The following ZNF383 variants were observed in gnomAD, a reference collection of about 807,000 sequenced individuals.
ZNF383 encodes zinc finger protein 383.
Under a neutral mutation model 44.2 loss-of-function variants are expected in ZNF383, and 32 were observed. The observed-to-expected ratio is 0.72, with a 90% confidence interval of 0.55 to 0.97. The LOEUF is 0.97. ZNF383 is among the 50% of genes least tolerant of loss of function. ZNF383 has a pLI of 0.00. For missense variants in ZNF383, 487 were observed against 562.5 expected (o/e 0.87, Z 1.36); for synonymous variants, 155 against 186.2 (o/e 0.83, Z 1.36).
chr19:37,230,314 A>G (rs1973421189), intron 2 of ZNF383, 95 bp from the exon 3 acceptor site: 8 of 788,786 alleles, frequency 1.0e-5, no homozygotes, highest in South Asian at 3.4e-5. Context: ...CTCAAGACCA[A>G]GAAATATGGA....
At chr19:37,229,748 ATGTATATATGTG>A (rs1317561112) in intron 2 of ZNF383, among the ~76,000 whole-genome samples, 4 of 143,898 alleles carry the variant, frequency 2.8e-5, no homozygotes, top group Admixed American at 7.2e-5. Context: ...GTGTGTATAT[ATGTATATATGTG>A]TGTATATATG....
intron 3 of ZNF383, among the ~76,000 whole-genome samples, chr19:37,230,710 C>G (rs1019098030): frequency 2.0e-5 from 3 of 152,102 alleles, no homozygotes; most frequent in African/African-American, 7.2e-5. Context: ...AACTCTTTCC[C>G]AAGGACTATG....
In ZNF383 at chr19:37,245,975, T is replaced by A. The variant is rs1974357752; in HGVS notation, c.*2311T>A. On this transcript the variant is annotated 3_prime_UTR_variant, in exon 6 of 6. Transcript: ENST00000684119. ...CCATGCCTAGCTAATTTTTGTATTA[T>A]TAGTAGAGATGGGGTTTCACCATAT... 6.6e-6 allele frequency: 1 copy of A among 152,020 alleles called. No individual in the cohort carries two copies. Among genetic ancestry groups the A allele is most frequent in the South Asian group, 2.1e-4 (1 of 4,814 alleles). 9.4% of individuals were successfully genotyped at this position (152,020 alleles called of 1,614,324 possible). A position where few individuals can be genotyped will look rare whatever the true frequency, so the allele number is the denominator to read the frequency against.
chr19:37,229,700 A>G (rs200937424), intron 2 of ZNF383, among the ~76,000 whole-genome samples: 9 of 55,584 alleles, frequency 1.6e-4, no homozygotes, highest in African/African-American at 5.4e-4. Flanking sequence ...ATATATATGT[A>G]TATATATATG....
intron 5 of ZNF383, among the ~76,000 whole-genome samples, chr19:37,238,574 G>A (rs1973934514): frequency 6.6e-6 from 1 of 152,066 alleles, no homozygotes; most frequent in Non-Finnish European, 1.5e-5. Context: ...AAGGGAACAG[G>A]AAGAGCCAAG....
At chr19:37,222,909 A>G (rs1972993351) in intron 1 of ZNF383, among the ~76,000 whole-genome samples, 1 of 152,224 alleles carries the variant, frequency 6.6e-6, no homozygotes, top group Non-Finnish European at 1.5e-5. Context: ...ATCAATCTAT[A>G]TTCCAAACTG....
intron 2 of ZNF383, among the ~76,000 whole-genome samples, chr19:37,230,208 A>C (rs1973415377): frequency 6.6e-6 from 1 of 152,162 alleles, no homozygotes; most frequent in South Asian, 2.1e-4. Context: ...GGGAGAATGA[A>C]TCTGAGTCCT....
rs200820032 is a variant in ZNF383, at chr19:37,236,073, A to G, written c.231A>G (p.Ser77=). The G allele has an allele frequency of 5.0e-6, 8 of 1,612,038 alleles. No homozygotes were observed. Among genetic ancestry groups the G allele is most frequent in the African/African-American group, 1.3e-5 (1 of 74,832 alleles). The change falls in exon 5 of 6, where the codon TCA becomes TCG. Residue 77 remains serine (S), a splice_region_variant and synonymous_variant. Coordinates refer to ENST00000684119, the MANE Select transcript of ZNF383 (RefSeq NM_001387601.1). ...VGRELTRGLC[S]DLESMCETKL... is the part of the protein sequence containing the mutation. ...GAGAGCTTACAAGAGGCCTGTGTTC[A>G]GGTAAGTGAGAAATGACCGGACAGG...
At chr19:37,227,844 A>T (rs1279188659) in intron 2 of ZNF383, 1 of 152,192 alleles carries the variant, frequency 6.6e-6, no homozygotes, top group Non-Finnish European at 1.5e-5. Flanking sequence ...ATAATTTTTT[A>T]AATGTATTTT....
chr19:37,243,121 A>G lies in ZNF383; in HGVS notation c.885A>G (p.Ser295=), dbSNP rs1176959332. The G allele has an allele frequency of 1.9e-6, 3 of 1,613,954 alleles. No homozygotes were observed. Among genetic ancestry groups the G allele is most frequent in the Non-Finnish European group, 2.5e-6 (3 of 1,179,942 alleles). Residue 295 remains serine (S), a synonymous_variant, in exon 6 of 6, where the codon TCA becomes TCG. Coordinates refer to ENST00000684119, the MANE Select transcript of ZNF383 (RefSeq NM_001387601.1). ...KVCGKAFTKS[S]QLFQHARIHT... ...GTGGGAAAGCCTTTACTAAGAGCTCACAACTTTTTCAGCATGCACGAATTC... is the reference window on the plus strand; with the variant it reads ...GTGGGAAAGCCTTTACTAAGAGCTCGCAACTTTTTCAGCATGCACGAATTC...
At chr19:37,240,883 G>A (rs1033086968) in intron 5 of ZNF383, among the ~76,000 whole-genome samples, 1 of 152,006 alleles carries the variant, frequency 6.6e-6, no homozygotes, top group Non-Finnish European at 1.5e-5. Flanking sequence ...CTCAGCTCAC[G>A]GCAGCCTCTG....
rs1026447160 is a variant in ZNF383, at chr19:37,228,121, C to T, written c.-45-2288C>T. Among the ~76,000 whole-genome samples the T allele has an allele frequency of 2.0e-5, 3 of 151,800 alleles. No individual in the cohort carries two copies. The South Asian group carries it at 6.3e-4, about 32-fold the overall frequency. On this transcript the variant is annotated intron_variant, in intron 2 of 5. Transcript: ENST00000684119. ...CTCCTTTTCCCGGTCTGTTAAGTAA[C>T]GGGTGCCTTCCCAGTTACTGGCGCT...
intron 5 of ZNF383, among the ~76,000 whole-genome samples, chr19:37,239,002 C>T (rs1973952867): frequency 6.6e-6 from 1 of 152,136 alleles, no homozygotes; most frequent in African/African-American, 2.4e-5. Flanking sequence ...TCACTGTAGC[C>T]TCCACCCCGC....
intron 3 of ZNF383, among the ~76,000 whole-genome samples, chr19:37,232,265 G>A (rs755535508): frequency 2.4e-4 from 36 of 151,852 alleles, no homozygotes; most frequent in Non-Finnish European, 4.4e-4. Flanking sequence ...AGTAGAGACT[G>A]GGTTTCATCA....
chr19:37,233,962 T>G (rs776571308), intron 3 of ZNF383, among the ~76,000 whole-genome samples: 4 of 151,992 alleles, frequency 2.6e-5, no homozygotes, highest in Admixed American at 6.6e-5. Context: ...CCTCCCAGGT[T>G]CAAGCGATTC....
At chr19:37,234,581 A>G (rs1039090534) in intron 3 of ZNF383, among the ~76,000 whole-genome samples, 20 of 151,588 alleles carry the variant, frequency 1.3e-4, no homozygotes, top group East Asian at 7.8e-4. Flanking sequence ...TAGTAGAGAC[A>G]GGGTTTCACC....
intron 5 of ZNF383, among the ~76,000 whole-genome samples, chr19:37,240,566 A>G (rs1293913525): frequency 2.0e-5 from 3 of 152,264 alleles, no homozygotes; most frequent in Admixed American, 1.3e-4. Context: ...GTTTCTTTCC[A>G]TCTTCCTTAA....
rs1974328093 is a variant in ZNF383 at position 37,245,453 on chromosome 19, C to A, written c.*1789C>A. 6.6e-6 allele frequency: 1 copy of A among 151,868 alleles called. No homozygotes were observed. Among genetic ancestry groups the A allele is most frequent in the Non-Finnish European group, 1.5e-5 (1 of 68,014 alleles). 9.4% of individuals were successfully genotyped at this position (151,868 alleles called of 1,614,324 possible). A position where few individuals can be genotyped will look rare whatever the true frequency, so the allele number is the denominator to read the frequency against. On this transcript the variant is annotated 3_prime_UTR_variant, in exon 6 of 6. Transcript: ENST00000684119. ...TGTTATGAAAGTGTTATTTATCAAT[C>A]CAGATATTAATTTTTTGTTTGTTTG...
In ZNF383 at chr19:37,242,805, G is replaced by T. The variant is rs780500183; in HGVS notation, c.569G>T (p.Arg190Ile). 5 of 1,613,978 alleles carry T rather than the reference G, an allele frequency of 3.1e-6. No homozygotes were observed. Among genetic ancestry groups the T allele is most frequent in the East Asian group, 2.2e-5 (1 of 44,890 alleles). Residue 190 changes from arginine to isoleucine, a missense_variant, in exon 6 of 6, where the codon AGA (arginine) becomes ATA (isoleucine). By Grantham distance (97) the Arg-to-Ile change is moderately conservative. Coordinates refer to ENST00000684119, the MANE Select transcript of ZNF383 (RefSeq NM_001387601.1). ...SQNSQFIQHQ[R>I]IHIGEKSYEC... ...AACTCACAATTTATTCAACATCAGAGAATTCATATTGGTGAAAAATCTTAT... is the reference window on the plus strand; with the variant it reads ...AACTCACAATTTATTCAACATCAGATAATTCATATTGGTGAAAAATCTTAT...
Sources: gnomAD v4.1 joint callset for allele counts (sites outside exome capture counted in the v4.1 genomes callset) on GRCh38, gnomAD v4.1.1 for gene constraint, MANE v1.5 for transcripts, NCBI Gene and HGNC (gene_info 2026-07-23, HGNC 2026-07-21) for gene names.